Variants in CHRM3 observed in about 807,000 individuals in gnomAD.
CHRM3 encodes cholinergic receptor muscarinic 3, also known as muscarinic acetylcholine receptor M3.
CHRM3 carries 11 observed loss-of-function variants against 41.8 expected under a neutral mutation model. That is an observed-to-expected ratio of 0.26 (90% CI 0.17 to 0.44). CHRM3 has a LOEUF of 0.44. Among genes scored for constraint, CHRM3 ranks in the 20% least tolerant of loss-of-function variants. The pLI is 1.00. For synonymous variants in CHRM3, 297 were observed against 301.4 expected (o/e 0.99, Z 0.15); for missense variants, 571 against 745.4 (o/e 0.77, Z 2.72).
intron 3 of CHRM3, among the ~76,000 whole-genome samples, chr1:239,602,140 A>ATATG (rs1432471091): frequency 0.01 from 1,464 of 144,818 alleles, 18 homozygotes; most frequent in Admixed American, 0.026. Flanking sequence ...ATATATATAT[A>ATATG]ATTTTGTTTT....
Position 239,596,351 on chromosome 1 carries a change from AT to A in CHRM3, c.-312-35864del, listed in dbSNP as rs571125038. On this transcript the variant is annotated intron_variant, in intron 3 of 6. Coordinates refer to ENST00000676153, the MANE Select transcript of CHRM3 (RefSeq NM_001375978.1). ...CATATGTCCCTAAAAGTTTTATTTAATTTTTTTTTAAGTGGAAGGAGAGCTG... is the reference window on the plus strand; with the variant it reads ...CATATGTCCCTAAAAGTTTTATTTAATTTTTTTTAAGTGGAAGGAGAGCTG... Among the ~76,000 whole-genome samples the A allele has an allele frequency of 9.1e-3, 1,384 of 151,640 alleles. 20 individuals carry two copies. The highest frequency in any genetic ancestry group is 0.032 in the African/African-American group (1,318 of 41,378).
rs879513539 is a variant in CHRM3, at chr1:239,763,003, G to A, written c.-146-64249G>A. The stretch of plus-strand genomic sequence containing the variant: ...TTATAAAATTCTGTGGCATTTTTGA[G>A]GTCCATTTTTATTTTAAGAGCACCA... On this transcript the variant is annotated intron_variant, in intron 5 of 6. Coordinates refer to ENST00000676153, the MANE Select transcript of CHRM3 (RefSeq NM_001375978.1). 2.0e-4 allele frequency among the ~76,000 whole-genome samples: 31 copies of A among 152,114 alleles called. No individual in the cohort carries two copies. The South Asian group carries it at 3.3e-3, about 16-fold the overall frequency.
intron 3 of CHRM3, among the ~76,000 whole-genome samples, chr1:239,565,024 T>C (rs2148507215): frequency 6.6e-6 from 1 of 152,218 alleles, no homozygotes; most frequent in Non-Finnish European, 1.5e-5. Context: ...GTTGTGGCGC[T>C]CCTTAGCTCC....
intron 6 of CHRM3, among the ~76,000 whole-genome samples, chr1:239,862,841 C>T (rs886276402): frequency 5.9e-5 from 9 of 152,082 alleles, no homozygotes; most frequent in South Asian, 2.1e-4. Flanking sequence ...GCTTGTACTT[C>T]GGTGAAATCA....
chr1:239,555,879 C>T (rs185290546), intron 3 of CHRM3, among the ~76,000 whole-genome samples: 51 of 152,306 alleles, frequency 3.3e-4, no homozygotes, highest in African/African-American at 1.2e-3. Context: ...AGGTGGAGCT[C>T]ACCTGTCCTG....
chr1:239,851,644 C>A (rs1048853426), intron 6 of CHRM3, among the ~76,000 whole-genome samples: 21 of 152,138 alleles, frequency 1.4e-4, no homozygotes, highest in African/African-American at 4.3e-4. Context: ...ACATCTGACA[C>A]CTTCTTGGGG....
intron 1 of CHRM3, among the ~76,000 whole-genome samples, chr1:239,446,109 G>T (rs1370263750): frequency 6.6e-6 from 1 of 152,052 alleles, no homozygotes; most frequent in Non-Finnish European, 1.5e-5. Context: ...GCTAATTTTT[G>T]TATTTTTAGT....
intron 2 of CHRM3, among the ~76,000 whole-genome samples, chr1:239,532,664 G>A (rs1164110175): frequency 6.6e-6 from 1 of 150,426 alleles, no homozygotes; most frequent in Non-Finnish European, 1.5e-5. Flanking sequence ...CACTCTACTT[G>A]ATAAAGTTTA....
intron 1 of CHRM3, among the ~76,000 whole-genome samples, chr1:239,445,369 C>G (rs2103279647): frequency 6.6e-6 from 1 of 152,224 alleles, no homozygotes; most frequent in Non-Finnish European, 1.5e-5. Context: ...AGAGAGTGAT[C>G]AGCCGTGTGG....
At chr1:239,804,610 G>A (rs566254352) in intron 5 of CHRM3, among the ~76,000 whole-genome samples, 29 of 152,222 alleles carry the variant, frequency 1.9e-4, no homozygotes, top group African/African-American at 6.5e-4. Flanking sequence ...GAAAGGAGCC[G>A]ATGATGACTT....
At chr1:239,483,187 C>A (rs1666972587) in intron 1 of CHRM3, among the ~76,000 whole-genome samples, 1 of 152,212 alleles carries the variant, frequency 6.6e-6, no homozygotes, top group African/African-American at 2.4e-5. Flanking sequence ...ATTCTTTCTA[C>A]ATTTTCTACA....
intron 2 of CHRM3, among the ~76,000 whole-genome samples, chr1:239,524,646 C>T (rs550934906): frequency 7.9e-5 from 12 of 151,964 alleles, no homozygotes; most frequent in Admixed American, 2.0e-4. Context: ...TAAATATTAA[C>T]CAGAGTAAGC....
chr1:239,774,213 A>T (rs1250086304), intron 5 of CHRM3, among the ~76,000 whole-genome samples: 1 of 152,188 alleles, frequency 6.6e-6, no homozygotes, highest in African/African-American at 2.4e-5. Flanking sequence ...TGCTTGATTC[A>T]TCTTTGTCCT....
intron 5 of CHRM3, among the ~76,000 whole-genome samples, chr1:239,733,336 G>A (rs1558495836): frequency 6.6e-6 from 1 of 152,052 alleles, no homozygotes; most frequent in South Asian, 2.1e-4. Context: ...GAAGAAGGAC[G>A]CAGAGAAAAT....
chr1:239,898,986 CTT>C (rs1417753713), intron 6 of CHRM3, among the ~76,000 whole-genome samples: 1 of 152,002 alleles, frequency 6.6e-6, no homozygotes, highest in Non-Finnish European at 1.5e-5. Flanking sequence ...ACTTTTTTGT[CTT>C]TTTTCACATT....
At chr1:239,648,611 A>G (rs1671953383) in intron 4 of CHRM3, among the ~76,000 whole-genome samples, 1 of 152,136 alleles carries the variant, frequency 6.6e-6, no homozygotes, top group Non-Finnish European at 1.5e-5. Context: ...GCAAAAGGGA[A>G]TATGGTGATT....
chr1:239,764,085 CAA>C (rs36088810), intron 5 of CHRM3, among the ~76,000 whole-genome samples: 15 of 115,608 alleles, frequency 1.3e-4, no homozygotes, highest in Admixed American at 2.7e-4. Flanking sequence ...ATCCTATCTC[CAA>C]AAAAAAAAAA....
chr1:239,573,145 C>T (rs1217370740), intron 3 of CHRM3, among the ~76,000 whole-genome samples: 4 of 152,136 alleles, frequency 2.6e-5, no homozygotes, highest in Non-Finnish European at 5.9e-5. Flanking sequence ...TGCCTAGTTC[C>T]TCGCATTCTT....
chr1:239,637,736 A>T (rs1670637869), intron 4 of CHRM3, among the ~76,000 whole-genome samples: 4 of 132,570 alleles, frequency 3.0e-5, no homozygotes, highest in East Asian at 2.2e-4. Context: ...GGGAATTTGT[A>T]TTTCTTTGTG....
Sources: allele counts gnomAD v4.1 joint callset (sites outside exome capture counted in the v4.1 genomes callset), GRCh38; gene constraint gnomAD v4.1.1; transcripts MANE v1.5; gene names NCBI Gene and HGNC (gene_info 2026-07-23, HGNC 2026-07-21).